ZFAT: variants seen among roughly 807,000 people sequenced by gnomAD.
The protein encoded by ZFAT is zinc finger protein ZFAT.
A neutral mutation model predicts 117.7 loss-of-function variants in ZFAT; 64 were observed. The observed-to-expected ratio is 0.54, with a 90% CI of 0.44 to 0.67. The LOEUF (loss-of-function observed/expected upper bound fraction) is 0.67, where lower values mean the gene tolerates loss of function less well. Among genes scored for constraint, ZFAT ranks in the 30% least tolerant of loss-of-function variants. The probability of loss-of-function intolerance (pLI) is 0.00; values close to 1 mark genes in which losing one functional copy is unlikely to be tolerated. For synonymous variants in ZFAT, 679 were observed against 615.0 expected (o/e 1.10, Z -1.54); for missense variants, 1,433 against 1,584.5 (o/e 0.90, Z 1.62).
At chr8:134,585,513 A>G (rs896357952) in intron 9 of ZFAT, among the ~76,000 whole-genome samples, 1 of 152,204 alleles carries the variant, frequency 6.6e-6, no homozygotes, top group African/African-American at 2.4e-5. Context: ...CAAATTCCTA[A>G]TATCTGTTCC....
chr8:134,628,775 C>A (rs1829692191), intron 3 of ZFAT, among the ~76,000 whole-genome samples: 1 of 152,186 alleles, frequency 6.6e-6, no homozygotes, highest in Non-Finnish European at 1.5e-5. Flanking sequence ...AGGATGCTTG[C>A]CCCAGTTTCC....
intron 1 of ZFAT, 79 bp downstream of exon 1, chr8:134,712,766 G>C (rs1381671605): frequency 2.9e-6 from 4 of 1,396,142 alleles, no homozygotes; most frequent in Non-Finnish European, 2.9e-6. Context: ...TTCCCGACTC[G>C]ACGCTCGAAA....
At chr8:134,565,600 G>T (rs961002715) in intron 10 of ZFAT, 179 bp from the exon 11 acceptor site, 8 of 719,734 alleles carry the variant, frequency 1.1e-5, no homozygotes, top group Non-Finnish European at 2.0e-5. Context: ...TCTTCAACAG[G>T]TGGGAGTGGA....
the ZFAT span, among the ~76,000 whole-genome samples, chr8:134,790,001 A>T: frequency 8.5e-4 from 129 of 152,364 alleles, no homozygotes; most frequent in Middle Eastern, 3.4e-3. Context: ...TGCATACTCT[A>T]GTGGAAGCTA....
intron 12 of ZFAT, among the ~76,000 whole-genome samples, chr8:134,522,985 C>T (rs536939558): frequency 6.6e-6 from 1 of 152,214 alleles, no homozygotes; most frequent in East Asian, 1.9e-4. Flanking sequence ...TGGCCTGACA[C>T]CAGTTGTGGG....
At chr8:134,505,678 G>A (rs1286034564) in intron 15 of ZFAT, among the ~76,000 whole-genome samples, 5 of 152,134 alleles carry the variant, frequency 3.3e-5, no homozygotes, top group Admixed American at 3.3e-4. Context: ...GGGGATGGAG[G>A]AAGGGAGCCT....
At position 134,602,912 on chromosome 8, in the gene ZFAT, T is replaced by G; in HGVS notation, c.807A>C (p.Lys269Asn). Residue 269 changes from lysine (K) to asparagine (N), a missense_variant, in exon 6 of 16, where the codon AAA becomes AAC. By Grantham distance (94) the Lys-to-Asn change is moderately conservative. This residue lies in a region of ZFAT where 436 missense variants were observed against 482.0 expected (regional missense o/e 0.90). Transcript: ENST00000377838. ...KSSRLGPTQL[K>N]IFTCEYCNKV... Reference sequence around the variant, plus strand: ...TGTTGCAGTATTCACAAGTGAAGATTTTGAGCTGAGTGGGACCTAGCCTAG... The same window carrying G: ...TGTTGCAGTATTCACAAGTGAAGATGTTGAGCTGAGTGGGACCTAGCCTAG... 6.2e-7 allele frequency: 1 copy of G among 1,611,496 alleles called. No homozygotes were observed. The highest frequency in any genetic ancestry group is 8.5e-7 in the Non-Finnish European group (1 of 1,178,560).
At chr8:134,503,470 A>G (rs762648861) in intron 15 of ZFAT, among the ~76,000 whole-genome samples, 41 of 152,230 alleles carry the variant, frequency 2.7e-4, no homozygotes, top group African/African-American at 3.9e-4. Context: ...ACATATTTGT[A>G]CATGTGTAAT....
chr8:134,497,101 T>A lies in ZFAT; in HGVS notation c.3492+12518A>T, dbSNP rs919437432. The stretch of plus-strand genomic sequence containing the variant: ...GGGCGGGGTAGGTCTTCTTGAAACA[T>A]CCCACCATGAAGCAAGAAGGAAAGT... On this transcript the variant is annotated intron_variant, in intron 15 of 15. Transcript: ENST00000377838. Among the ~76,000 whole-genome samples the A allele has an allele frequency of 3.3e-5, 5 of 152,316 alleles. 1 individual carries two copies. Among genetic ancestry groups the A allele is most frequent in the South Asian group, 4.1e-4 (2 of 4,822 alleles).
chr8:134,576,371 CCCA>C (rs1253542920), intron 10 of ZFAT, among the ~76,000 whole-genome samples: 1 of 152,130 alleles, frequency 6.6e-6, no homozygotes, highest in Non-Finnish European at 1.5e-5. Flanking sequence ...CCTTCTCCTG[CCCA>C]CCACCCAGAC....
the ZFAT span, among the ~76,000 whole-genome samples, chr8:134,816,459 C>A: frequency 2.0e-5 from 3 of 150,774 alleles, no homozygotes; most frequent in Non-Finnish European, 4.4e-5. Flanking sequence ...ATTGCCATTT[C>A]TGTCAGATGA....
chr8:134,695,721 T>C (rs1465919531), intron 1 of ZFAT, among the ~76,000 whole-genome samples: 7 of 138,062 alleles, frequency 5.1e-5, no homozygotes, highest in Non-Finnish European at 1.1e-4. Flanking sequence ...AAGGAGGCGC[T>C]GCCCCCAGGC....
At chr8:134,524,639 A>G (rs1183552033) in intron 12 of ZFAT, among the ~76,000 whole-genome samples, 4 of 152,096 alleles carry the variant, frequency 2.6e-5, no homozygotes, top group Admixed American at 2.6e-4. Flanking sequence ...TACATACCCT[A>G]CAACACACAG....
chr8:134,616,044 C>A (rs1212185662), intron 3 of ZFAT, among the ~76,000 whole-genome samples: 2 of 152,140 alleles, frequency 1.3e-5, no homozygotes, highest in East Asian at 3.9e-4. Context: ...GGAGGTGAGG[C>A]AGGAGAAGAA....
At chr8:134,626,839 A>G (rs890208606) in intron 3 of ZFAT, among the ~76,000 whole-genome samples, 2 of 152,234 alleles carry the variant, frequency 1.3e-5, no homozygotes, top group Non-Finnish European at 2.9e-5. Flanking sequence ...TTTTATCTGA[A>G]CTATGTAAAG....
chr8:134,645,814 C>G (rs1163835035), intron 2 of ZFAT, among the ~76,000 whole-genome samples: 2 of 152,170 alleles, frequency 1.3e-5, no homozygotes, highest in Admixed American at 1.3e-4. Flanking sequence ...GAACATGCCA[C>G]CCAGCAACAG....
intron 8 of ZFAT, among the ~76,000 whole-genome samples, chr8:134,589,377 C>T (rs1483532068): frequency 6.6e-6 from 1 of 152,182 alleles, no homozygotes; most frequent in Non-Finnish European, 1.5e-5. Context: ...TCTTTATCTT[C>T]CTCCATTTAT....
the ZFAT span, among the ~76,000 whole-genome samples, chr8:134,744,951 G>A: frequency 2.0e-5 from 3 of 150,800 alleles, no homozygotes; most frequent in South Asian, 2.1e-4. Flanking sequence ...GGATGGTCTC[G>A]ATCGCCTGAC....
the ZFAT span, among the ~76,000 whole-genome samples, chr8:134,782,194 G>A: frequency 6.6e-6 from 1 of 152,224 alleles, no homozygotes; most frequent in South Asian, 2.1e-4. Flanking sequence ...AGGTAGCTGT[G>A]CATTCTCAGA....
Sources: gnomAD v4.1 joint callset for allele counts (sites outside exome capture counted in the v4.1 genomes callset) on GRCh38, gnomAD v4.1.1 for gene constraint, gnomAD v4.1.1 regional missense constraint, MANE v1.5 for transcripts, NCBI Gene and HGNC (gene_info 2026-07-23, HGNC 2026-07-21) for gene names.